Variants in ACSBG1 observed in about 807,000 individuals in gnomAD.
ACSBG1 encodes acyl-CoA synthetase bubblegum family member 1.
A neutral mutation model predicts 80.2 loss-of-function variants in ACSBG1; 39 were observed. That is an observed-to-expected ratio of 0.49 (90% CI 0.38 to 0.64). The LOEUF (loss-of-function observed/expected upper bound fraction) is 0.64, where lower values mean the gene tolerates loss of function less well. ACSBG1 is among the 30% of genes least tolerant of loss of function. ACSBG1 has a pLI of 0.00. For missense variants in ACSBG1, 828 were observed against 966.4 expected (o/e 0.86, Z 1.90); for synonymous variants, 392 against 379.5 (o/e 1.03, Z -0.38).
intron 8 of ACSBG1, 109 bp downstream of exon 8, chr15:78,181,860 A>C (rs749096637): frequency 1.4e-5 from 19 of 1,377,804 alleles, no homozygotes; most frequent in Non-Finnish European, 1.9e-5. Context: ...ATTCTGACTG[A>C]TACATGCACA....
At chr15:78,229,490 T>C (rs974267951) in intron 1 of ACSBG1, among the ~76,000 whole-genome samples, 6 of 152,184 alleles carry the variant, frequency 3.9e-5, no homozygotes, top group Non-Finnish European at 7.4e-5. Context: ...CTCTCTGTCA[T>C]CCTGGGAAAG....
chr15:78,186,582 A>C (rs1186936867), intron 5 of ACSBG1, among the ~76,000 whole-genome samples: 1 of 152,268 alleles, frequency 6.6e-6, no homozygotes, highest in Admixed American at 6.5e-5. Flanking sequence ...TACTGGGTAC[A>C]TAACGAAACA....
intron 1 of ACSBG1, among the ~76,000 whole-genome samples, chr15:78,225,625 AAT>A (rs1745349939): frequency 6.6e-6 from 1 of 152,062 alleles, no homozygotes; most frequent in African/African-American, 2.4e-5. Flanking sequence ...CCCAATTTGA[AAT>A]ATAGAGTCAA....
intron 5 of ACSBG1, among the ~76,000 whole-genome samples, chr15:78,187,722 T>C (rs2075019273): frequency 6.6e-6 from 1 of 152,220 alleles, no homozygotes; most frequent in Non-Finnish European, 1.5e-5. Flanking sequence ...AATATCATGC[T>C]GAATGGGCAA....
In ACSBG1 at chr15:78,176,581, A is replaced by T. The variant is rs1040189142; in HGVS notation, c.1702+2033T>A. 3.9e-5 allele frequency among the ~76,000 whole-genome samples: 6 copies of T among 152,188 alleles called. No homozygotes were observed. In the East Asian group the frequency reaches 7.7e-4, roughly 19 times the overall value. On this transcript the variant is annotated intron_variant, in intron 11 of 13. Transcript: ENST00000258873. ...TAAGTGATATTATTTAAAATACCTT[A>T]AAAAATTCTTAGAAGTAAATATAAG...
chr15:78,198,029 T>C (rs2075130832), intron 2 of ACSBG1, among the ~76,000 whole-genome samples: 2 of 152,192 alleles, frequency 1.3e-5, no homozygotes, highest in African/African-American at 2.4e-5. Context: ...ATTTATAATC[T>C]CTTTTTTCTT....
intron 5 of ACSBG1, among the ~76,000 whole-genome samples, chr15:78,185,808 CG>C: frequency 6.6e-6 from 1 of 151,542 alleles, no homozygotes; most frequent in South Asian, 2.1e-4. Context: ...ATATCGTAGA[CG>C]TCTTGTTAGA....
intron 2 of ACSBG1, among the ~76,000 whole-genome samples, chr15:78,195,717 G>A (rs933656923): frequency 5.3e-5 from 8 of 152,160 alleles, no homozygotes; most frequent in African/African-American, 1.9e-4. Context: ...AGCTTGGATG[G>A]GTGGTCTGGA....
chr15:78,173,697 T>A lies in ACSBG1; in HGVS notation c.1985A>T (p.Glu662Val), dbSNP rs768858750. ...CATGTTGACCCTCCGGATCCCCTCT[T>A]CGATGGCCTGGTACACGGCCTCATC... The part of the protein sequence containing the change: ...KKDEAVYQAI[E>V]EGIRRVNMNA... The change falls in exon 13 of 14, where the codon GAA (glutamate) becomes GTA (valine). Residue 662 changes from glutamate to valine, a missense_variant. By Grantham distance (121) the Glu-to-Val change is moderately radical (BLOSUM62 -2). This residue lies in a region of ACSBG1 where 201 missense variants were observed against 227.0 expected (regional missense o/e 0.89). Coordinates refer to ENST00000258873, the MANE Select transcript of ACSBG1 (RefSeq NM_015162.5). 3.1e-6 allele frequency: 5 copies of A among 1,614,212 alleles called. No individual in the cohort carries two copies. The highest frequency in any genetic ancestry group is 4.2e-6 in the Non-Finnish European group (5 of 1,180,034).
At chr15:78,189,126 A>G (rs904698211) in intron 5 of ACSBG1, among the ~76,000 whole-genome samples, 6 of 151,876 alleles carry the variant, frequency 4.0e-5, no homozygotes, top group South Asian at 2.1e-4. Flanking sequence ...ATGAGATACC[A>G]TCTCACACCA....
At chr15:78,215,030 GC>G (rs565502544) in intron 1 of ACSBG1, among the ~76,000 whole-genome samples, 36 of 152,126 alleles carry the variant, frequency 2.4e-4, no homozygotes, top group African/African-American at 8.4e-4. Context: ...GCTGCTGGGA[GC>G]CCCCCCATAG....
intron 1 of ACSBG1, among the ~76,000 whole-genome samples, chr15:78,215,047 C>T (rs767685656): frequency 5.9e-5 from 9 of 152,136 alleles, no homozygotes; most frequent in Admixed American, 3.3e-4. Flanking sequence ...CATAGACCCC[C>T]ATCAATGCAC....
intron 1 of ACSBG1, among the ~76,000 whole-genome samples, chr15:78,215,715 A>G (rs2075301989): frequency 7.3e-6 from 1 of 136,538 alleles, no homozygotes; most frequent in Non-Finnish European, 1.6e-5. Flanking sequence ...AAAGAGAGAA[A>G]GAAAGAAAGA....
At chr15:78,231,773 G>C (rs977106642) in intron 1 of ACSBG1, among the ~76,000 whole-genome samples, 2 of 152,048 alleles carry the variant, frequency 1.3e-5, no homozygotes, top group African/African-American at 4.8e-5. Flanking sequence ...ATTTTTAGCA[G>C]AGACAAGGTC....
At chr15:78,229,984 C>T (rs200923839) in intron 1 of ACSBG1, among the ~76,000 whole-genome samples, 134 of 152,312 alleles carry the variant, frequency 8.8e-4, no homozygotes, top group Non-Finnish European at 3.4e-4. Flanking sequence ...GCTTGCCATC[C>T]GGGCATCCAC....
At chr15:78,198,999 G>A (rs1239227678) in intron 2 of ACSBG1, among the ~76,000 whole-genome samples, 1 of 152,182 alleles carries the variant, frequency 6.6e-6, no homozygotes, top group African/African-American at 2.4e-5. Context: ...AGGAAGAAAT[G>A]AGCTCCCTCT....
intron 10 of ACSBG1, among the ~76,000 whole-genome samples, chr15:78,179,185 C>T (rs1373921231): frequency 1.3e-5 from 2 of 152,114 alleles, no homozygotes. Context: ...CCAACTCCTA[C>T]CCCAGCTGGC....
chr15:78,195,298 C>A (rs577437601), intron 2 of ACSBG1, among the ~76,000 whole-genome samples: 4 of 152,196 alleles, frequency 2.6e-5, no homozygotes, highest in Non-Finnish European at 5.9e-5. Flanking sequence ...GTCTTCACAG[C>A]ATGGGTTTGG....
At chr15:78,210,860 A>T (rs11072742) in intron 1 of ACSBG1, among the ~76,000 whole-genome samples, 4 of 152,002 alleles carry the variant, frequency 2.6e-5, no homozygotes, top group Admixed American at 6.5e-5. Flanking sequence ...GCGATCCTCT[A>T]GCCTTGGCCT....
Sources: allele counts gnomAD v4.1 joint callset (sites outside exome capture counted in the v4.1 genomes callset), GRCh38; gene constraint gnomAD v4.1.1; regional missense constraint gnomAD v4.1.1; transcripts MANE v1.5; gene names NCBI Gene and HGNC (gene_info 2026-07-23, HGNC 2026-07-21).